Variants in TRIM52 observed in about 807,000 individuals in gnomAD.
TRIM52 encodes E3 ubiquitin-protein ligase TRIM52.
A neutral mutation model predicts 27.0 loss-of-function variants in TRIM52; 24 were observed. The observed-to-expected ratio is 0.89, with a 90% CI of 0.64 to 1.25. The LOEUF is 1.25. TRIM52 is among the 50% of genes most tolerant of loss of function. TRIM52 has a pLI of 0.00. For missense variants in TRIM52, 351 were observed against 354.7 expected (o/e 0.99, Z 0.08); for synonymous variants, 125 against 126.5 (o/e 0.99, Z 0.08).
intron 1 of TRIM52, chr5:181,257,202 C>T (rs912618375): frequency 1.3e-5 from 16 of 1,235,878 alleles, no homozygotes; most frequent in Middle Eastern, 2.8e-4. Context: ...AGAGTCAAGA[C>T]GAACTCTAAC....
At chr5:181,251,204 G>A (rs1184640748), downstream of TRIM52, among the ~76,000 whole-genome samples, 1 of 152,032 alleles carries the variant, frequency 6.6e-6, no homozygotes, top group Non-Finnish European at 1.5e-5. Context: ...TGAGGCAGGA[G>A]AACTGCTTGA....
At chr5:181,258,161 G>T (rs1759865539) in intron 1 of TRIM52, 1 of 152,008 alleles carries the variant, frequency 6.6e-6, no homozygotes, top group South Asian at 2.1e-4. Context: ...GGAGGCCCAG[G>T]TGGTGGATCT....
Position 181,260,161 on chromosome 5 carries a change from C to T in TRIM52, c.653G>A (p.Gly218Glu). ...CATGCCCTGATCATTACTCCGGTTT[C>T]CCCGATAAGGAGTGGGGCACATCTG... ...IRQMCPTPYR[G>E]NRSNDQGMCF... The change falls in exon 1 of 2, where the codon GGA becomes GAA. Residue 218 changes from glycine (G) to glutamate (E), a missense_variant. Coordinates refer to ENST00000688015, the MANE Select transcript of TRIM52 (RefSeq NM_001346048.2). The surrounding 1 kb of genome is among the most constrained non-coding windows in gnomAD (Gnocchi z 4.4). 10 of 1,614,208 alleles carry T rather than the reference C, an allele frequency of 6.2e-6. No homozygotes were observed. Among genetic ancestry groups the T allele is most frequent in the South Asian group, 1.1e-5 (1 of 91,080 alleles).
At chr5:181,250,063 T>C (rs571575310), downstream of TRIM52, among the ~76,000 whole-genome samples, 1 of 148,338 alleles carries the variant, frequency 6.7e-6, no homozygotes, top group East Asian at 1.9e-4. Context: ...ATGTTTATTT[T>C]CCTGATAAAG....
At chr5:181,253,373 T>C (rs1229743888), downstream of TRIM52, among the ~76,000 whole-genome samples, 4 of 142,668 alleles carry the variant, frequency 2.8e-5, 1 homozygote, top group Non-Finnish European at 5.9e-5. Context: ...TAGGCAAGCC[T>C]ATTCTTCCTC....
chr5:181,254,117 T>C (rs552183510), downstream of TRIM52, among the ~76,000 whole-genome samples: 1,524 of 140,530 alleles, frequency 0.011, 345 homozygotes, highest in African/African-American at 0.044. Flanking sequence ...GGTGAAACCC[T>C]GTCTCTACTA....
chr5:181,259,440 C>T (rs1050734796), intron 1 of TRIM52: 2 of 170,230 alleles, frequency 1.2e-5, no homozygotes, highest in Non-Finnish European at 2.6e-5. Context: ...TTGCCTTTCT[C>T]TAGAAGGAAA....
intron 1 of TRIM52, chr5:181,257,579 C>G: frequency 9.1e-7 from 1 of 1,099,634 alleles, no homozygotes; most frequent in Non-Finnish European, 1.3e-6. Context: ...AACCATTATA[C>G]AAAAATAGTT....
chr5:181,259,416 G>C (rs1338984527), intron 1 of TRIM52: 1 of 165,076 alleles, frequency 6.1e-6, no homozygotes, highest in Non-Finnish European at 1.3e-5. Context: ...ATCCATCAAA[G>C]ATGCTTATAT....
At chr5:181,251,367 A>G (rs1490518313), downstream of TRIM52, among the ~76,000 whole-genome samples, 3 of 152,158 alleles carry the variant, frequency 2.0e-5, no homozygotes, top group African/African-American at 7.2e-5. Context: ...GAATCGCTAT[A>G]GAGGATAAGC....
chr5:181,260,746 C>G lies in TRIM52; in HGVS notation c.68G>C (p.Cys23Ser). ...TLQEEAVCAI[C>S]LDYFKDPVSI... ...CACGGGGTCCTTGAAGTAATCCAAGCAGATGGCACACACCGCTTCCTCCTG... is the reference window on the plus strand; with the variant it reads ...CACGGGGTCCTTGAAGTAATCCAAGGAGATGGCACACACCGCTTCCTCCTG... Residue 23 changes from cysteine to serine, a missense_variant, in exon 1 of 2, where the codon TGC (cysteine) becomes TCC (serine). Coordinates refer to ENST00000688015, the MANE Select transcript of TRIM52 (RefSeq NM_001346048.2). This position sits in a 1 kb window ranked among gnomAD's most constrained non-coding sequence, Gnocchi z 4.4. 1.9e-6 allele frequency: 3 copies of G among 1,613,754 alleles called. No homozygotes were observed. The highest frequency in any genetic ancestry group is 2.5e-6 in the Non-Finnish European group (3 of 1,179,830).
At chr5:181,258,096 A>T (rs898700556) in intron 1 of TRIM52, 1 of 151,960 alleles carries the variant, frequency 6.6e-6, no homozygotes, top group East Asian at 2.0e-4. Context: ...TGATGATAAA[A>T]GTTAGCTGAG....
At chr5:181,259,639 C>T (rs1759942583) in intron 1 of TRIM52, 1 of 343,802 alleles carries the variant, frequency 2.9e-6, no homozygotes. Flanking sequence ...CCTATCTGTA[C>T]CTGTCCCAGG....
At position 181,255,515 on chromosome 5, in the gene TRIM52, C is replaced by T. The variant is rs1759739448; in HGVS notation, c.*1294G>A. On this transcript the variant is annotated 3_prime_UTR_variant, in exon 2 of 2. Coordinates refer to ENST00000688015, the MANE Select transcript of TRIM52 (RefSeq NM_001346048.2). ...CACATCGGTATGAAACACATTCTTT[C>T]CAAAAGCTACCACTGGTAGATTTTA... 6.6e-6 allele frequency: 1 copy of T among 152,188 alleles called. No individual in the cohort carries two copies. Among genetic ancestry groups the T allele is most frequent in the Admixed American group, 6.5e-5 (1 of 15,276 alleles). The allele number at this position is 152,188 out of a possible 1,614,324, so 9.4% of individuals were successfully genotyped here.
At chr5:181,250,055 G>A (rs551706976), downstream of TRIM52, among the ~76,000 whole-genome samples, 1 of 148,532 alleles carries the variant, frequency 6.7e-6, no homozygotes, top group East Asian at 1.9e-4. Flanking sequence ...TTAAAAAAAT[G>A]TTTATTTTCC....
At position 181,256,772 on chromosome 5, in the gene TRIM52, T is replaced by A. The variant is rs555311582; in HGVS notation, c.*37A>T. ...CGGGCTTTGCAGAACACTCCACTGT[T>A]TTTAATGGCATGAATTTAACAGTGT... is the stretch of plus-strand genomic sequence containing the variant. On this transcript the variant is annotated 3_prime_UTR_variant, in exon 2 of 2. Coordinates refer to ENST00000688015, the MANE Select transcript of TRIM52 (RefSeq NM_001346048.2). The A allele has an allele frequency of 9.2e-6, 9 of 981,468 alleles. No homozygotes were observed. In the South Asian group the frequency reaches 3.3e-4, roughly 36 times the overall value. 60.8% of individuals were successfully genotyped at this position (981,468 alleles called of 1,614,324 possible). A position where few individuals can be genotyped will look rare whatever the true frequency, so the allele number is the denominator to read the frequency against.
chr5:181,257,988 CAAAT>C (rs1186198336), intron 1 of TRIM52: 2 of 151,118 alleles, frequency 1.3e-5, no homozygotes, highest in African/African-American at 2.4e-5. Flanking sequence ...GACTCCAGCT[CAAAT>C]AAATAAGTAA....
At chr5:181,252,660 A>G (rs1230946603), downstream of TRIM52, among the ~76,000 whole-genome samples, 1 of 152,240 alleles carries the variant, frequency 6.6e-6, no homozygotes, top group Non-Finnish European at 1.5e-5. Context: ...TAGGAGTTTC[A>G]GGAGGCATGG....
chr5:181,257,273 C>T (rs1434338587), intron 1 of TRIM52: 17 of 1,296,884 alleles, frequency 1.3e-5, no homozygotes, highest in Non-Finnish European at 1.7e-5. Context: ...CAAAAAGCCT[C>T]TTCTTACAGA....
Sources: gnomAD v4.1 joint callset for allele counts (sites outside exome capture counted in the v4.1 genomes callset) on GRCh38, gnomAD v4.1.1 for gene constraint, Gnocchi (gnomAD v3.1) non-coding constraint, MANE v1.5 for transcripts, NCBI Gene and HGNC (gene_info 2026-07-23, HGNC 2026-07-21) for gene names.